Variants in SLC26A7 observed in about 807,000 individuals in gnomAD.
The protein encoded by SLC26A7 is anion exchange transporter.
A neutral mutation model predicts 82.5 loss-of-function variants in SLC26A7; 59 were observed. The ratio of observed to expected loss-of-function variants is 0.72; its 90% CI spans 0.58 to 0.89. The LOEUF is 0.89. SLC26A7 is among the 40% of genes least tolerant of loss of function. SLC26A7 has a pLI of 0.00. For missense variants in SLC26A7, 820 were observed against 793.0 expected, an observed-to-expected ratio of 1.03 and a Z score of -0.41; for synonymous variants, 271 against 274.3, an observed-to-expected ratio of 0.99 and a Z score of 0.12.
chr8:91,355,295 C>T (rs982720205), intron 11 of SLC26A7, among the ~76,000 whole-genome samples: 2 of 152,062 alleles, frequency 1.3e-5, no homozygotes, highest in Non-Finnish European at 2.9e-5. Context: ...CTGAGCATGA[C>T]ATAATCTTTT....
intron 2 of SLC26A7, among the ~76,000 whole-genome samples, chr8:91,224,885 A>T (rs943772397): frequency 5.9e-5 from 9 of 152,032 alleles, no homozygotes; most frequent in Non-Finnish European, 8.8e-5. Flanking sequence ...CTCTGGCTGG[A>T]GTTATTGGAG....
intron 2 of SLC26A7, among the ~76,000 whole-genome samples, chr8:91,229,115 C>A (rs750795930): frequency 1.3e-5 from 2 of 152,170 alleles, no homozygotes; most frequent in Non-Finnish European, 2.9e-5. Context: ...CTGCTCGAAT[C>A]CTGCCAGTCT....
intron 11 of SLC26A7, among the ~76,000 whole-genome samples, chr8:91,360,148 C>T (rs763933211): frequency 9.9e-5 from 15 of 152,030 alleles, no homozygotes; most frequent in Non-Finnish European, 5.9e-5. Flanking sequence ...GATATATAAA[C>T]ATTTAGTAAT....
intron 15 of SLC26A7, among the ~76,000 whole-genome samples, chr8:91,377,873 C>G (rs753668272): frequency 1.8e-4 from 28 of 152,094 alleles, no homozygotes; most frequent in Non-Finnish European, 3.2e-4. Context: ...GGTACTGGCT[C>G]TCTTCCCTCA....
chr8:91,266,818 A>T (rs1811125760), intron 2 of SLC26A7, among the ~76,000 whole-genome samples: 1 of 151,830 alleles, frequency 6.6e-6, no homozygotes, highest in African/African-American at 2.4e-5. Flanking sequence ...CTTGTTCCAG[A>T]TTTTTGAGGA....
At chr8:91,327,629 C>T (rs1812968686) in intron 5 of SLC26A7, among the ~76,000 whole-genome samples, 1 of 152,124 alleles carries the variant, frequency 6.6e-6, no homozygotes, top group South Asian at 2.1e-4. Flanking sequence ...TGGTTGATGA[C>T]TGACTCAAAA....
chr8:91,255,181 C>CT lies in SLC26A7; in HGVS notation c.193+5346dup, dbSNP rs947270245. 1.2e-4 allele frequency among the ~76,000 whole-genome samples: 18 copies of CT among 151,726 alleles called. No individual in the cohort carries two copies. In the South Asian group the frequency reaches 1.9e-3, roughly 16 times the overall value. On this transcript the variant is annotated intron_variant, in intron 2 of 18. Coordinates refer to ENST00000276609, the MANE Select transcript of SLC26A7 (RefSeq NM_052832.4). ...TTGCATTTCCAAGGGCTCACCTAGA[C>CT]TTTTTTTTTCCCAAACCATGCAACT... is the stretch of plus-strand genomic sequence containing the variant.
chr8:91,293,667 C>T (rs1432629505), intron 3 of SLC26A7, among the ~76,000 whole-genome samples: 3 of 152,174 alleles, frequency 2.0e-5, no homozygotes, highest in South Asian at 4.1e-4. Context: ...CTGTTCGATT[C>T]CTTCCCATCT....
intron 4 of SLC26A7, among the ~76,000 whole-genome samples, chr8:91,310,440 T>C (rs1217047806): frequency 6.6e-6 from 1 of 152,084 alleles, no homozygotes; most frequent in East Asian, 1.9e-4. Context: ...GGGTCCCCTG[T>C]AGAAGGGTGA....
intron 4 of SLC26A7, among the ~76,000 whole-genome samples, chr8:91,310,368 A>C (rs1812447352): frequency 6.6e-6 from 1 of 152,108 alleles, no homozygotes; most frequent in Non-Finnish European, 1.5e-5. Context: ...GTATCCTGCC[A>C]AGTCCAAGGG....
intron 5 of SLC26A7, among the ~76,000 whole-genome samples, chr8:91,321,964 G>A (rs527357844): frequency 7.2e-4 from 109 of 152,188 alleles, no homozygotes; most frequent in Non-Finnish European, 1.4e-3. Context: ...AAAATGAAAA[G>A]CATGGAACAT....
chr8:91,373,499 A>G (rs897004674), intron 15 of SLC26A7, among the ~76,000 whole-genome samples: 2 of 151,848 alleles, frequency 1.3e-5, no homozygotes, highest in African/African-American at 4.8e-5. Context: ...TTTTGTTTTT[A>G]ATTCTGTCTA....
chr8:91,218,705 G>A (rs1265435351), intron 1 of SLC26A7, among the ~76,000 whole-genome samples: 2 of 152,092 alleles, frequency 1.3e-5, no homozygotes, highest in African/African-American at 4.8e-5. Context: ...TAGCATTTGA[G>A]TATGATTTTC....
At position 91,331,371 on chromosome 8, in the gene SLC26A7, A is replaced by G. The variant is rs1322738050; in HGVS notation, c.643-2924A>G. Reference sequence around the variant, plus strand: ...GAATTTAATGGATGTAGACTACTATATGTATACATGTAACCTAGAGAATTC... The same window carrying G: ...GAATTTAATGGATGTAGACTACTATGTGTATACATGTAACCTAGAGAATTC... On this transcript the variant is annotated intron_variant, in intron 5 of 18. Transcript: ENST00000276609. 7.2e-5 allele frequency among the ~76,000 whole-genome samples: 11 copies of G among 152,304 alleles called. No homozygotes were observed. The East Asian group carries it at 2.1e-3, about 29-fold the overall frequency.
At chr8:91,370,362 C>A (rs180674284) in intron 15 of SLC26A7, among the ~76,000 whole-genome samples, 52 of 151,846 alleles carry the variant, frequency 3.4e-4, no homozygotes, top group Admixed American at 2.6e-3. Context: ...CCTTTTCTCT[C>A]CTCTTTCCTC....
At chr8:91,366,551 G>A (rs373484251) in intron 13 of SLC26A7, 29 bp from the exon 14 acceptor site, 4 of 1,605,008 alleles carry the variant, frequency 2.5e-6, no homozygotes, top group African/African-American at 2.7e-5. Context: ...TCTATTTAGA[G>A]TTCTGAATCT....
At chr8:91,364,080 C>A (rs1295382510) in intron 13 of SLC26A7, among the ~76,000 whole-genome samples, 2 of 151,590 alleles carry the variant, frequency 1.3e-5, no homozygotes, top group Non-Finnish European at 2.9e-5. Context: ...CTTGTATAAA[C>A]AGTTTTGCTC....
chr8:91,322,869 A>AC (rs1307841746), intron 5 of SLC26A7, among the ~76,000 whole-genome samples: 2 of 151,822 alleles, frequency 1.3e-5, no homozygotes, highest in African/African-American at 2.4e-5. Flanking sequence ...TTTAATTCTC[A>AC]CCCCCCACCC....
At position 91,353,696 on chromosome 8, in the gene SLC26A7, A is replaced by G. The variant is rs544781132; in HGVS notation, c.1314+700A>G. On this transcript the variant is annotated intron_variant, in intron 11 of 18. Transcript: ENST00000276609. ...TGGAATATAATTATTAATATGAAAT[A>G]CATATTTTCTCTTCTTCAGATCATT... Among the ~76,000 whole-genome samples the G allele has an allele frequency of 3.3e-5, 5 of 152,202 alleles. No individual in the cohort carries two copies. In the South Asian group the frequency reaches 1.0e-3, roughly 32 times the overall value.
Sources: allele counts gnomAD v4.1 joint callset (sites outside exome capture counted in the v4.1 genomes callset), GRCh38; gene constraint gnomAD v4.1.1; transcripts MANE v1.5; gene names NCBI Gene and HGNC (gene_info 2026-07-23, HGNC 2026-07-21).